LRP2: variants seen among roughly 807,000 people sequenced by gnomAD.
LRP2 encodes the protein low-density lipoprotein receptor-related protein 2.
LRP2 carries 172 observed loss-of-function variants against 531.0 expected under a neutral mutation model. That is an observed-to-expected ratio of 0.32 (90% CI 0.29 to 0.37). LRP2 has a LOEUF of 0.37. LRP2 is among the 10% of genes least tolerant of loss of function. LRP2 has a pLI of 1.00. For synonymous variants in LRP2, 1,992 were observed against 2,027.6 expected (o/e 0.98, Z 0.47); for missense variants, 5,167 against 5,868.3 (o/e 0.88, Z 3.90).
At chr2:169,312,506 T>C (rs1684641499) in intron 3 of LRP2, among the ~76,000 whole-genome samples, 1 of 152,340 alleles carries the variant, frequency 6.6e-6, no homozygotes, top group South Asian at 2.1e-4. Context: ...AAAATTCTTT[T>C]CTTTAAGAAT....
intron 50 of LRP2, 26 bp downstream of exon 50, chr2:169,185,477 T>G (rs767627923): frequency 6.2e-7 from 1 of 1,610,502 alleles, no homozygotes; most frequent in South Asian, 1.1e-5. Context: ...TTTTAACTTT[T>G]AAAAAGCTCA....
chr2:169,167,985 C>T (rs1558991020), intron 61 of LRP2, among the ~76,000 whole-genome samples: 2 of 116,292 alleles, frequency 1.7e-5, no homozygotes, highest in South Asian at 6.0e-4. Flanking sequence ...TGACATGTAC[C>T]TGAATTGAGA....
At chr2:169,342,037 G>A (rs948813953) in intron 1 of LRP2, among the ~76,000 whole-genome samples, 1 of 151,904 alleles carries the variant, frequency 6.6e-6, no homozygotes, top group Admixed American at 6.6e-5. Flanking sequence ...ATGCTGGCAG[G>A]GATACTCAGG....
intron 61 of LRP2, among the ~76,000 whole-genome samples, chr2:169,167,978 C>T (rs1226484228): frequency 2.2e-5 from 3 of 139,030 alleles, no homozygotes; most frequent in African/African-American, 8.0e-5. Context: ...CTGCTACTGA[C>T]ATGTACCTGA....
chr2:169,133,974 C>T (rs952699097), intron 76 of LRP2, among the ~76,000 whole-genome samples: 11 of 152,164 alleles, frequency 7.2e-5, no homozygotes, highest in African/African-American at 2.2e-4. Context: ...TTACCTATTT[C>T]GGCATAATTC....
intron 63 of LRP2, among the ~76,000 whole-genome samples, chr2:169,160,268 G>T (rs1686523734): frequency 6.6e-6 from 1 of 151,992 alleles, no homozygotes; most frequent in African/African-American, 2.4e-5. Flanking sequence ...TAGACTTTAG[G>T]TGCTCTTACC....
intron 1 of LRP2, among the ~76,000 whole-genome samples, chr2:169,335,054 C>T (rs1057051279): frequency 1.3e-5 from 2 of 152,326 alleles, no homozygotes; most frequent in South Asian, 4.1e-4. Context: ...GTTGCCTCCA[C>T]TGGCCCAGTC....
chr2:169,168,805 G>T, intron 60 of LRP2, 129 bp from the exon 61 acceptor site: 1 of 1,015,516 alleles, frequency 9.8e-7, no homozygotes, highest in Non-Finnish European at 1.5e-6. Context: ...GATGTATAGT[G>T]GCCTTGACCT....
chr2:169,268,621 T>A (rs984069266), intron 16 of LRP2, among the ~76,000 whole-genome samples: 3 of 152,218 alleles, frequency 2.0e-5, no homozygotes, highest in Non-Finnish European at 4.4e-5. Flanking sequence ...TAAGAGCTAT[T>A]TATGACAAAC....
chr2:169,264,744 A>T (rs1165390057), intron 16 of LRP2, among the ~76,000 whole-genome samples: 1 of 151,994 alleles, frequency 6.6e-6, no homozygotes, highest in Non-Finnish European at 1.5e-5. Context: ...CCAGGTCCTA[A>T]CAAAGGCAGG....
chr2:169,226,094 T>C (rs1689192098), intron 32 of LRP2, among the ~76,000 whole-genome samples: 1 of 152,242 alleles, frequency 6.6e-6, no homozygotes, highest in Non-Finnish European at 1.5e-5. Flanking sequence ...TTGTGACTGC[T>C]GCTTCTTGGC....
At chr2:169,205,999 A>G in intron 40 of LRP2, 24 bp downstream of exon 40, 1 of 1,614,198 alleles carries the variant, frequency 6.2e-7, no homozygotes, top group Non-Finnish European at 8.5e-7. Context: ...AGACAGAAAT[A>G]TAACAAGGAA....
Position 169,181,533 on chromosome 2 carries a change from T to C in LRP2, c.10084A>G (p.Thr3362Ala). Reference sequence around the variant, plus strand: ...ATGCCATTAGGCCACTCTAACTTGGTGGAGATTATCACAGACTTGTTGGTT... The same window carrying C: ...ATGCCATTAGGCCACTCTAACTTGGCGGAGATTATCACAGACTTGTTGGTT... ...DGTNKSVIIS[T>A]KLEWPNGITI... The change falls in exon 52 of 79, where the codon ACC becomes GCC. Residue 3362 changes from threonine (T) to alanine (A), a missense_variant. Thr to Ala is a moderately conservative substitution (Grantham distance 58). Around this residue, in one of 6 missense-constraint regions of LRP2, gnomAD observed 1,129 missense variants for 1,362.7 expected, o/e 0.83. Coordinates refer to ENST00000649046, the MANE Select transcript of LRP2 (RefSeq NM_004525.3). 1 of 1,613,966 alleles carries C rather than the reference T, an allele frequency of 6.2e-7. No homozygotes were observed. The highest frequency in any genetic ancestry group is 1.1e-5 in the South Asian group (1 of 91,082).
In LRP2 at chr2:169,177,789, A is replaced by G; in HGVS notation, c.10393+14T>C. The G allele has an allele frequency of 6.2e-7, 1 of 1,612,064 alleles. No individual in the cohort carries two copies. Among genetic ancestry groups the G allele is most frequent in the Non-Finnish European group, 8.5e-7 (1 of 1,178,050 alleles). ...CCAAGGCAACCTTGCCAAACCCCTC[A>G]ATCACCTACTCACCAATGGGCTGCC... On this transcript the variant is annotated intron_variant, in intron 53 of 78. Transcript: ENST00000649046.
chr2:169,327,271 T>C (rs1451526614), intron 1 of LRP2, among the ~76,000 whole-genome samples: 1 of 36,896 alleles, frequency 2.7e-5, no homozygotes, highest in African/African-American at 9.9e-5. Flanking sequence ...GGTGGGGGGG[T>C]CAGCCCCCCG....
In LRP2 at chr2:169,186,004, T is replaced by C; in HGVS notation, c.9344A>G (p.His3115Arg). Residue 3115 changes from histidine (H) to arginine (R), a missense_variant, in exon 50 of 79, where the codon CAT becomes CGT. Physicochemically the swap from His to Arg is conservative, Grantham distance 29. Transcript: ENST00000649046. The stretch of plus-strand genomic sequence containing the variant: ...ATCGCAGCCACTGATTGAAGGGTCA[T>C]GGCATTCATTAATGCCTGTAGGTAA... ...DEKGCGINEC[H>R]DPSISGCDHN... is the part of the protein sequence containing the mutation. 1.2e-6 allele frequency: 2 copies of C among 1,613,696 alleles called. No individual in the cohort carries two copies. Among genetic ancestry groups the C allele is most frequent in the Non-Finnish European group, 1.7e-6 (2 of 1,179,936 alleles).
rs139317527 is a variant in LRP2, at chr2:169,258,242, G to A, written c.2513+783C>T. ...GAATACTGACTGTTGCCTAATAGCT[G>A]CGGGCCCTTTCACAAGTCACTTTAT... On this transcript the variant is annotated intron_variant, in intron 17 of 78. Transcript: ENST00000649046. 3.3e-3 allele frequency among the ~76,000 whole-genome samples: 500 copies of A among 152,172 alleles called. 4 individuals carry two copies. Among genetic ancestry groups the A allele is most frequent in the African/African-American group, 0.011 (461 of 41,526 alleles).
chr2:169,335,458 A>G (rs1171144746), intron 1 of LRP2, among the ~76,000 whole-genome samples: 3 of 152,240 alleles, frequency 2.0e-5, no homozygotes, highest in African/African-American at 7.2e-5. Flanking sequence ...GGCATAAGCC[A>G]TAGAATTAAG....
chr2:169,361,390 C>CTCTCTG (rs1574290444), intron 1 of LRP2, among the ~76,000 whole-genome samples: 1 of 138,482 alleles, frequency 7.2e-6, no homozygotes, highest in African/African-American at 2.9e-5. Flanking sequence ...CTCTCTCTCT[C>CTCTCTG]TCTCTGTCTC....
Sources: gnomAD v4.1 joint callset for allele counts (sites outside exome capture counted in the v4.1 genomes callset) on GRCh38, gnomAD v4.1.1 for gene constraint, gnomAD v4.1.1 regional missense constraint, MANE v1.5 for transcripts, NCBI Gene and HGNC (gene_info 2026-07-23, HGNC 2026-07-21) for gene names.